LYRM7: variants seen among roughly 807,000 people sequenced by gnomAD.
LYRM7 encodes complex III assembly factor LYRM7.
LYRM7 carries 9 observed loss-of-function variants against 15.8 expected under a neutral mutation model. That is an observed-to-expected ratio of 0.57 (90% CI 0.34 to 0.99). LYRM7 has a LOEUF of 0.99. Among genes scored for constraint, LYRM7 ranks in the 50% least tolerant of loss-of-function variants. LYRM7 has a pLI of 0.02. For synonymous variants in LYRM7, 39 were observed against 39.4 expected, an observed-to-expected ratio of 0.99 and a Z score of 0.04; for missense variants, 115 against 119.1, an observed-to-expected ratio of 0.97 and a Z score of 0.16.
At chr5:131,178,050 T>C (rs2149659992) in intron 1 of LYRM7, among the ~76,000 whole-genome samples, 1 of 152,368 alleles carries the variant, frequency 6.6e-6, no homozygotes, top group East Asian at 1.9e-4. Context: ...TTATTCCATC[T>C]CTGCGATAAC....
At chr5:131,181,857 A>G (rs1755718632) in intron 2 of LYRM7, among the ~76,000 whole-genome samples, 1 of 152,176 alleles carries the variant, frequency 6.6e-6, no homozygotes, top group Non-Finnish European at 1.5e-5. Flanking sequence ...ACATACTTGT[A>G]TGTATTGAAT....
intron 4 of LYRM7, among the ~76,000 whole-genome samples, chr5:131,198,130 G>A (rs1755999288): frequency 6.6e-6 from 1 of 151,896 alleles, no homozygotes; most frequent in South Asian, 2.1e-4. Context: ...TTTGGGTCTA[G>A]ATCTCCTGGA....
At chr5:131,181,442 A>ATATATATATAAAACATATATATG in intron 2 of LYRM7, among the ~76,000 whole-genome samples, 1 of 125,566 alleles carries the variant, frequency 8.0e-6, no homozygotes, top group Admixed American at 8.9e-5. Flanking sequence ...ATATATATGT[A>ATATATATATAAAACATATATATG]TATATATATA....
At chr5:131,176,194 T>C (rs189843833) in intron 1 of LYRM7, among the ~76,000 whole-genome samples, 1 of 152,374 alleles carries the variant, frequency 6.6e-6, no homozygotes. Context: ...CCATGAACAT[T>C]AGCATACATG....
intron 1 of LYRM7, among the ~76,000 whole-genome samples, chr5:131,175,753 T>TGG: frequency 6.6e-6 from 1 of 150,876 alleles, no homozygotes; most frequent in African/African-American, 2.5e-5. Flanking sequence ...CAGGCTGGTT[T>TGG]TGTTTTGTTT....
rs940287186 is a variant in LYRM7 at position 131,202,748 on chromosome 5, A to T, written c.*3147A>T. ...TTCACACAAGGGGTTGCCCAAATAT[A>T]ATTTTGCTTTGACTATTGAGATCTA... On this transcript the variant is annotated 3_prime_UTR_variant, in exon 5 of 5. Transcript: ENST00000379380. 6.6e-6 allele frequency: 1 copy of T among 152,288 alleles called. No homozygotes were observed. The highest frequency in any genetic ancestry group is 1.5e-5 in the Non-Finnish European group (1 of 68,020). 9.4% of individuals were successfully genotyped at this position (152,288 alleles called of 1,614,324 possible).
chr5:131,187,117 A>C lies in LYRM7; in HGVS notation c.244+8A>C. 7.0e-7 allele frequency: 1 copy of C among 1,419,646 alleles called. No individual in the cohort carries two copies. Among genetic ancestry groups the C allele is most frequent in the Admixed American group, 2.1e-5 (1 of 48,354 alleles). 87.9% of individuals were successfully genotyped at this position (1,419,646 alleles called of 1,614,324 possible). ...CAGACCACAATACACTGAGTAAGTAAAATTAAAGAAAAATGGTTTCTAACT... is the reference window on the plus strand; with the variant it reads ...CAGACCACAATACACTGAGTAAGTACAATTAAAGAAAAATGGTTTCTAACT... On this transcript the variant is annotated splice_region_variant and intron_variant, in intron 4 of 4. Coordinates refer to ENST00000379380, the MANE Select transcript of LYRM7 (RefSeq NM_181705.4).
intron 4 of LYRM7, among the ~76,000 whole-genome samples, chr5:131,190,257 G>A (rs540671266): frequency 6.6e-6 from 1 of 152,242 alleles, no homozygotes; most frequent in Admixed American, 6.5e-5. Flanking sequence ...GTGCAGTGGT[G>A]TGATCTCGTC....
Position 131,187,093 on chromosome 5 carries a change from A to C in LYRM7, c.228A>C (p.Thr76=), listed in dbSNP as rs371707684. The change falls in exon 4 of 5, where the codon ACA becomes ACC. Residue 76 remains threonine (T), a synonymous_variant. Transcript: ENST00000379380. The part of the protein sequence containing the change: ...LRTSVIQGIH[T]DHNTLKLVPR... Reference sequence around the variant, plus strand: ...CATCTGTTATACAAGGTATTCACACAGACCACAATACACTGAGTAAGTAAA... The same window carrying C: ...CATCTGTTATACAAGGTATTCACACCGACCACAATACACTGAGTAAGTAAA... 3 of 1,540,462 alleles carry C rather than the reference A, an allele frequency of 1.9e-6. No homozygotes were observed. In the African/African-American group the frequency reaches 4.1e-5, roughly 21 times the overall value.
chr5:131,173,167 G>C (rs998568209), intron 1 of LYRM7, among the ~76,000 whole-genome samples: 16 of 151,984 alleles, frequency 1.1e-4, no homozygotes, highest in African/African-American at 3.9e-4. Context: ...GGGATTCTAC[G>C]ATGCTTGCAA....
intron 2 of LYRM7, among the ~76,000 whole-genome samples, chr5:131,181,637 TC>T (rs1288012006): frequency 1.3e-5 from 2 of 151,396 alleles, no homozygotes; most frequent in African/African-American, 4.9e-5. Flanking sequence ...TACGGATTGT[TC>T]CATTAAACGC....
chr5:131,192,058 C>T (rs1197600229), intron 4 of LYRM7, among the ~76,000 whole-genome samples: 8 of 150,784 alleles, frequency 5.3e-5, no homozygotes, highest in South Asian at 4.2e-4. Flanking sequence ...CACACACACA[C>T]ACACACACAC....
intron 2 of LYRM7, among the ~76,000 whole-genome samples, chr5:131,181,041 A>T (rs1312987220): frequency 6.6e-6 from 1 of 151,482 alleles, no homozygotes; most frequent in African/African-American, 2.4e-5. Context: ...CTGTAATCCC[A>T]GCACTTTGGG....
chr5:131,199,600 G>T lies in LYRM7; in HGVS notation c.314G>T (p.Ter105LeuextTer3). The T allele has an allele frequency of 3.1e-6, 5 of 1,594,320 alleles. No individual in the cohort carries two copies. Among genetic ancestry groups the T allele is most frequent in the Non-Finnish European group, 4.3e-6 (5 of 1,169,972 alleles). The change falls in exon 5 of 5, where the codon TGA (stop) becomes TTA (leucine). Residue 105 changes from the stop codon to leucine (L), a stop_lost. Coordinates refer to ENST00000379380, the MANE Select transcript of LYRM7 (RefSeq NM_181705.4). ...PYCDAPTQKQ* is the reference protein window; with the variant it reads ...PYCDAPTQKQL ...TGTGATGCACCAACTCAGAAGCAAT[G>T]AGTTTTCTAGAATACAACAAGTCTT...
At chr5:131,183,933 A>G (rs1452099664) in intron 3 of LYRM7, among the ~76,000 whole-genome samples, 1 of 152,186 alleles carries the variant, frequency 6.6e-6, no homozygotes, top group Non-Finnish European at 1.5e-5. Context: ...TTAAAAATGT[A>G]GTGAGAAGAG....
At chr5:131,181,381 A>ATATAAT (rs552588384) in intron 2 of LYRM7, among the ~76,000 whole-genome samples, 2 of 76,478 alleles carry the variant, frequency 2.6e-5, no homozygotes, top group South Asian at 3.5e-4. Flanking sequence ...ATGTATATAT[A>ATATAAT]ATATATACAT....
In LYRM7 at chr5:131,202,140, TATAATC is replaced by T. The variant is rs1756081404; in HGVS notation, c.*2543_*2548del. 3 of 152,050 alleles carry T rather than the reference TATAATC, an allele frequency of 2.0e-5. No homozygotes were observed. Among genetic ancestry groups the T allele is most frequent in the South Asian group, 4.1e-4 (2 of 4,828 alleles). 9.4% of individuals were successfully genotyped at this position (152,050 alleles called of 1,614,324 possible). ...TAAGCCACTGCACCCTGCCTATTCT[TATAATC>T]ATATATTTATATTTCAAATGGATTT... On this transcript the variant is annotated 3_prime_UTR_variant, in exon 5 of 5. Transcript: ENST00000379380.
At chr5:131,181,341 CAT>C (rs1412480447) in intron 2 of LYRM7, among the ~76,000 whole-genome samples, 4 of 37,834 alleles carry the variant, frequency 1.1e-4, no homozygotes, top group Admixed American at 1.1e-3. Flanking sequence ...ATATATATAA[CAT>C]ATATGTTATA....
rs541960537 is a variant in LYRM7 at position 131,196,427 on chromosome 5, T to A, written c.245-3104T>A. 4.6e-5 allele frequency among the ~76,000 whole-genome samples: 7 copies of A among 152,218 alleles called. No homozygotes were observed. The South Asian group carries it at 1.5e-3, about 32-fold the overall frequency. Reference sequence around the variant, plus strand: ...ACACCTTTCTGGTCTATATAAACCGTGTCTATTCGGTGTTACTTCCAAGAA... The same window carrying A: ...ACACCTTTCTGGTCTATATAAACCGAGTCTATTCGGTGTTACTTCCAAGAA... On this transcript the variant is annotated intron_variant, in intron 4 of 4. Coordinates refer to ENST00000379380, the MANE Select transcript of LYRM7 (RefSeq NM_181705.4).
Sources: gnomAD v4.1 joint callset for allele counts (sites outside exome capture counted in the v4.1 genomes callset) on GRCh38, gnomAD v4.1.1 for gene constraint, MANE v1.5 for transcripts, NCBI Gene and HGNC (gene_info 2026-07-23, HGNC 2026-07-21) for gene names.